EDAR: variants seen among roughly 807,000 people sequenced by gnomAD.
The protein encoded by EDAR is ectodysplasin A receptor, also known as tumor necrosis factor receptor superfamily member EDAR.
In EDAR, 38 loss-of-function variants were observed where a neutral mutation model predicts 51.3. The ratio of observed to expected loss-of-function variants is 0.74; its 90% CI spans 0.57 to 0.97. EDAR has a LOEUF of 0.97. Ranked by LOEUF, EDAR falls within the 50% of genes least tolerant of loss-of-function variation. The pLI is 0.00. For synonymous variants in EDAR, 227 were observed against 242.1 expected (o/e 0.94, Z 0.58); for missense variants, 528 against 595.0 (o/e 0.89, Z 1.17).
chr2:108,941,813 GCAAGGGCA>G (rs1697604214), intron 1 of EDAR, among the ~76,000 whole-genome samples: 1 of 152,178 alleles, frequency 6.6e-6, no homozygotes, highest in East Asian at 1.9e-4. Context: ...CCCTCACTAC[GCAAGGGCA>G]CTTCTGCCCT....
intron 1 of EDAR, among the ~76,000 whole-genome samples, chr2:108,964,449 G>T (rs928794437): frequency 1.3e-5 from 2 of 152,124 alleles, no homozygotes; most frequent in African/African-American, 4.8e-5. Context: ...CTAAACTGAA[G>T]AGGAAACCCA....
chr2:108,929,750 G>T (rs1008213451), intron 3 of EDAR, among the ~76,000 whole-genome samples: 6 of 152,324 alleles, frequency 3.9e-5, no homozygotes, highest in African/African-American at 1.2e-4. Flanking sequence ...AGAACACTCA[G>T]GCTTAGCTTG....
chr2:108,971,960 C>T (rs1421334630), intron 1 of EDAR, among the ~76,000 whole-genome samples: 2 of 152,156 alleles, frequency 1.3e-5, no homozygotes, highest in South Asian at 2.1e-4. Flanking sequence ...GAGGAGCAGC[C>T]GTGGGGAGCT....
chr2:108,977,718 TC>T (rs1188201828), intron 1 of EDAR, among the ~76,000 whole-genome samples: 2 of 152,034 alleles, frequency 1.3e-5, no homozygotes, highest in Non-Finnish European at 2.9e-5. Context: ...CCCTGGAGAT[TC>T]CTCAGTGAAC....
intron 1 of EDAR, among the ~76,000 whole-genome samples, chr2:108,960,533 C>T (rs1698018325): frequency 6.6e-6 from 1 of 152,210 alleles, no homozygotes; most frequent in Admixed American, 6.5e-5. Context: ...GTCTCTGCTG[C>T]CCCGTCAGCC....
At chr2:108,934,156 AAT>A (rs1697423910) in intron 1 of EDAR, among the ~76,000 whole-genome samples, 1 of 152,210 alleles carries the variant, frequency 6.6e-6, no homozygotes. Flanking sequence ...AGAAAAGAAA[AAT>A]AGATACACAA....
Position 108,912,688 on chromosome 2 carries a change from G to C in EDAR, c.519C>G (p.His173Gln), listed in dbSNP as rs144187827. ...SGSSTLSPFQ[H>Q]AHKELSGQGH... Reference sequence around the variant, plus strand: ...GAGCACCCTCCTCACCTTTGTGGGCGTGCTGGAAGGGAGACAGGGTGCTGC... The same window carrying C: ...GAGCACCCTCCTCACCTTTGTGGGCCTGCTGGAAGGGAGACAGGGTGCTGC... Residue 173 changes from histidine (H) to glutamine (Q), a missense_variant, in exon 6 of 12, where the codon CAC becomes CAG. Coordinates refer to ENST00000258443, the MANE Select transcript of EDAR (RefSeq NM_022336.4). 6.3e-7 allele frequency: 1 copy of C among 1,594,604 alleles called. No individual in the cohort carries two copies. Among genetic ancestry groups the C allele is most frequent in the South Asian group, 1.1e-5 (1 of 87,050 alleles).
chr2:108,973,656 C>T (rs1204012633), intron 1 of EDAR, among the ~76,000 whole-genome samples: 1 of 152,170 alleles, frequency 6.6e-6, no homozygotes, highest in African/African-American at 2.4e-5. Context: ...TTCCAGGGGT[C>T]GTGTGTCCTA....
intron 5 of EDAR, among the ~76,000 whole-genome samples, chr2:108,915,324 G>T (rs1207181827): frequency 6.6e-6 from 1 of 152,168 alleles, no homozygotes; most frequent in Non-Finnish European, 1.5e-5. Flanking sequence ...TGCTCTAAAT[G>T]GAGCAGGGCC....
chr2:108,947,064 G>A (rs753083979), intron 1 of EDAR, among the ~76,000 whole-genome samples: 4 of 152,194 alleles, frequency 2.6e-5, no homozygotes, highest in Non-Finnish European at 4.4e-5. Context: ...AAGATACAAT[G>A]GAGATACAGC....
At position 108,974,055 on chromosome 2, in the gene EDAR, C is replaced by T. The variant is rs6708348; in HGVS notation, c.-19+14905G>A. Among the ~76,000 whole-genome samples the T allele has an allele frequency of 7.2e-3, 1,095 of 151,806 alleles. 16 individuals carry two copies. The highest frequency in any genetic ancestry group is 0.025 in the African/African-American group (1,035 of 41,382). On this transcript the variant is annotated intron_variant, in intron 1 of 11. Coordinates refer to ENST00000258443, the MANE Select transcript of EDAR (RefSeq NM_022336.4). The stretch of plus-strand genomic sequence containing the variant: ...ATAGAAATGCCACATATTGGTCAGG[C>T]GCGGTGGCTCACGCCTGTAATCCCA...
At chr2:108,979,700 G>A (rs1698389661) in intron 1 of EDAR, among the ~76,000 whole-genome samples, 1 of 152,144 alleles carries the variant, frequency 6.6e-6, no homozygotes, top group Admixed American at 6.5e-5. Flanking sequence ...GAACTGCAGA[G>A]GAGAGGAGGG....
At chr2:108,979,514 C>T (rs1455337532) in intron 1 of EDAR, among the ~76,000 whole-genome samples, 6 of 151,780 alleles carry the variant, frequency 4.0e-5, no homozygotes, top group African/African-American at 1.2e-4. Context: ...TGGCACACCC[C>T]AGGAGCTGAA....
chr2:108,922,882 G>A (rs1408385940), intron 5 of EDAR, among the ~76,000 whole-genome samples: 1 of 152,172 alleles, frequency 6.6e-6, no homozygotes, highest in Non-Finnish European at 1.5e-5. Flanking sequence ...ACACCCCAAG[G>A]CAGGATTATA....
chr2:108,987,067 CTG>C lies in EDAR; in HGVS notation c.-19+1891_-19+1892del, dbSNP rs1698510990. 4.6e-5 allele frequency among the ~76,000 whole-genome samples: 7 copies of C among 152,298 alleles called. No homozygotes were observed. The South Asian group carries it at 8.3e-4, about 18-fold the overall frequency. On this transcript the variant is annotated intron_variant, in intron 1 of 11. Transcript: ENST00000258443. Reference sequence around the variant, plus strand: ...AGGCTAGGAGGAGGGTGAGGGGAAACTGAGCCCAGCTGAGGGGCTGAGCCACT... The same window carrying C: ...AGGCTAGGAGGAGGGTGAGGGGAAACAGCCCAGCTGAGGGGCTGAGCCACT...
intron 1 of EDAR, among the ~76,000 whole-genome samples, chr2:108,987,720 C>T (rs753015651): frequency 7.2e-5 from 11 of 152,200 alleles, no homozygotes; most frequent in Admixed American, 2.0e-4. Flanking sequence ...AGACCCCCGG[C>T]CAATCGCCAC....
chr2:108,971,643 T>G (rs1352517783), intron 1 of EDAR, among the ~76,000 whole-genome samples: 2 of 152,132 alleles, frequency 1.3e-5, no homozygotes, highest in South Asian at 4.1e-4. Flanking sequence ...CTCTCTCATT[T>G]TATGGAAGAA....
intron 1 of EDAR, among the ~76,000 whole-genome samples, chr2:108,933,419 C>T (rs1333504318): frequency 6.6e-6 from 1 of 152,070 alleles, no homozygotes; most frequent in African/African-American, 2.4e-5. Context: ...GAAGGGGGTC[C>T]CAGGGGAGAT....
intron 1 of EDAR, among the ~76,000 whole-genome samples, chr2:108,950,279 CTTTT>C (rs1310040773): frequency 2.5e-5 from 3 of 119,602 alleles, no homozygotes; most frequent in African/African-American, 9.3e-5. Context: ...TTCTTTCTTT[CTTTT>C]TTTTCTTTTT....
Sources: gnomAD v4.1 joint callset for allele counts (sites outside exome capture counted in the v4.1 genomes callset) on GRCh38, gnomAD v4.1.1 for gene constraint, MANE v1.5 for transcripts, NCBI Gene and HGNC (gene_info 2026-07-23, HGNC 2026-07-21) for gene names.